Variants in FAM135B observed in about 807,000 individuals in gnomAD.
FAM135B encodes the protein protein FAM135B.
FAM135B carries 43 observed loss-of-function variants against 127.7 expected under a neutral mutation model. The ratio of observed to expected loss-of-function variants is 0.34; its 90% CI spans 0.26 to 0.43. The LOEUF (loss-of-function observed/expected upper bound fraction) is 0.43, where lower values mean the gene tolerates loss of function less well. FAM135B is among the 20% of genes least tolerant of loss of function. FAM135B has a pLI of 1.00. For missense variants in FAM135B, 1,558 were observed against 1,725.6 expected (o/e 0.90, Z 1.72); for synonymous variants, 670 against 665.1 (o/e 1.01, Z -0.11).
intron 7 of FAM135B, among the ~76,000 whole-genome samples, chr8:138,233,809 C>T (rs1443807429): frequency 7.0e-6 from 1 of 142,714 alleles, no homozygotes; most frequent in Non-Finnish European, 1.6e-5. Flanking sequence ...GGAACTCCTA[C>T]AATTCAACAA....
At chr8:138,393,750 G>T (rs1472017909) in intron 1 of FAM135B, among the ~76,000 whole-genome samples, 1 of 152,280 alleles carries the variant, frequency 6.6e-6, no homozygotes, top group South Asian at 2.1e-4. Context: ...CATGATCTCT[G>T]CATGAGTCTC....
rs922368005 is a variant in FAM135B, at chr8:138,242,175, G to GTGTA, written c.669+766_669+767insTACA. 1.5e-4 allele frequency among the ~76,000 whole-genome samples: 16 copies of GTGTA among 106,070 alleles called. No individual in the cohort carries two copies. Among genetic ancestry groups the GTGTA allele is most frequent in the Non-Finnish European group, 2.9e-4 (15 of 51,810 alleles). 69.6% of individuals were successfully genotyped at this position (106,070 alleles called of 152,430 possible). ...TTATGATAAATCTCTTTGTGTGTGT[G>GTGTA]TGTGTGTGTGTGTGTGTGTGTGTGT... On this transcript the variant is annotated intron_variant, in intron 7 of 19. Coordinates refer to ENST00000395297, the MANE Select transcript of FAM135B (RefSeq NM_015912.4). This position sits in a 1 kb window ranked among gnomAD's most constrained non-coding sequence, Gnocchi z 9.6.
chr8:138,391,040 A>G (rs908841), intron 1 of FAM135B, among the ~76,000 whole-genome samples: 99,266 of 151,674 alleles, frequency 0.65, 34,267 homozygotes, highest in African/African-American at 0.88. Flanking sequence ...GGGAGTATTC[A>G]GGGCAGCAGC....
At chr8:138,352,615 G>C (rs911362528) in intron 2 of FAM135B, among the ~76,000 whole-genome samples, 2 of 152,154 alleles carry the variant, frequency 1.3e-5, no homozygotes, top group Non-Finnish European at 2.9e-5. Flanking sequence ...CTCAGTTAGG[G>C]TGGAGGGAGA....
In FAM135B at chr8:138,131,438, A is replaced by G. The variant is rs1816209283; in HGVS notation, c.*1155T>C. The G allele has an allele frequency of 6.6e-6, 1 of 152,662 alleles. No homozygotes were observed. Among genetic ancestry groups the G allele is most frequent in the African/African-American group, 2.4e-5 (1 of 41,468 alleles). 9.5% of individuals were successfully genotyped at this position (152,662 alleles called of 1,614,324 possible). ...CACTTACCAATAACAGCTTATGTTG[A>G]GTCTTCAGTCTGGTTGTTCTCCTCC... On this transcript the variant is annotated 3_prime_UTR_variant, in exon 20 of 20. Transcript: ENST00000395297.
rs2130546112 is a variant in FAM135B, at chr8:138,256,754, T to C, written c.303A>G (p.Glu101=). 1 of 1,613,578 alleles carries C rather than the reference T, an allele frequency of 6.2e-7. No homozygotes were observed. The highest frequency in any genetic ancestry group is 2.2e-5 in the East Asian group (1 of 44,836). Residue 101 remains glutamate (E), a synonymous_variant, in exon 5 of 20, where the codon GAA becomes GAG. Transcript: ENST00000395297. ...VHLLLGGERM[E]DALSEVDFQL... ...GAAAATCTACTTCACTCAGTGCGTC[T>C]TCCATCTGCAAAAGAAACAAAGTCC...
At chr8:138,200,836 A>G (rs1489417381) in intron 7 of FAM135B, among the ~76,000 whole-genome samples, 2 of 152,228 alleles carry the variant, frequency 1.3e-5, no homozygotes, top group South Asian at 2.1e-4. Context: ...AGATCAAACA[A>G]TAATAATAGA....
intron 3 of FAM135B, among the ~76,000 whole-genome samples, chr8:138,292,278 T>C (rs1423200014): frequency 1.3e-5 from 2 of 152,108 alleles, no homozygotes; most frequent in South Asian, 2.1e-4. Flanking sequence ...AGGGCACAGA[T>C]ACATGTAAAG....
chr8:138,237,150 A>ATTTTTTTTTTTTTTT (rs10604150), intron 7 of FAM135B, among the ~76,000 whole-genome samples: 1 of 101,320 alleles, frequency 9.9e-6, no homozygotes, highest in Non-Finnish European at 1.9e-5. Context: ...TGGATCCTTG[A>ATTTTTTTTTTTTTTT]TTTTTTTTTT....
chr8:138,223,370 C>T (rs187127807), intron 7 of FAM135B, among the ~76,000 whole-genome samples: 106 of 152,238 alleles, frequency 7.0e-4, no homozygotes, highest in Non-Finnish European at 1.2e-3. Context: ...GAACTGTAAC[C>T]GTTGAAATGA....
chr8:138,148,876 A>C, intron 13 of FAM135B, 190 bp from the exon 14 acceptor site: 1 of 395,984 alleles, frequency 2.5e-6, no homozygotes, highest in Non-Finnish European at 4.5e-6. Context: ...GCAGGAAAGC[A>C]CTCTATAAAA....
rs1322900745 is a variant in FAM135B at position 138,243,495 on chromosome 8, G to A, written c.543-427C>T. 6.6e-6 allele frequency among the ~76,000 whole-genome samples: 1 copy of A among 152,124 alleles called. No homozygotes were observed. Among genetic ancestry groups the A allele is most frequent in the Non-Finnish European group, 1.5e-5 (1 of 68,034 alleles). ...CCTCCCTGGACCTCTTTTCTTCTGT[G>A]GAAAAGCATAAAACATCTTCCTCCA... On this transcript the variant is annotated intron_variant, in intron 6 of 19. Transcript: ENST00000395297. This position sits in a 1 kb window ranked among gnomAD's most constrained non-coding sequence, Gnocchi z 7.5.
At chr8:138,213,298 G>A (rs1289629616) in intron 7 of FAM135B, among the ~76,000 whole-genome samples, 3 of 151,926 alleles carry the variant, frequency 2.0e-5, no homozygotes, top group African/African-American at 4.8e-5. Flanking sequence ...CGATCACTAC[G>A]TAAATAGTAG....
At chr8:138,458,165 A>G (rs1299912627) in intron 1 of FAM135B, among the ~76,000 whole-genome samples, 7 of 152,220 alleles carry the variant, frequency 4.6e-5, no homozygotes, top group African/African-American at 1.7e-4. Context: ...TAAATAAATA[A>G]ACAAAGCATA....
intron 1 of FAM135B, among the ~76,000 whole-genome samples, chr8:138,411,811 G>A (rs1358486129): frequency 1.3e-5 from 2 of 152,136 alleles, no homozygotes; most frequent in Non-Finnish European, 2.9e-5. Context: ...AAGACATAGA[G>A]TCATCCTAGG....
At chr8:138,468,741 A>C (rs1428166889) in intron 1 of FAM135B, among the ~76,000 whole-genome samples, 1 of 152,138 alleles carries the variant, frequency 6.6e-6, no homozygotes, top group African/African-American at 2.4e-5. Flanking sequence ...CAACCTAATA[A>C]ATATATTAAT....
At chr8:138,154,261 A>G (rs1486356094) in intron 12 of FAM135B, among the ~76,000 whole-genome samples, 1 of 93,360 alleles carries the variant, frequency 1.1e-5, no homozygotes, top group Non-Finnish European at 2.2e-5. Context: ...AACAGAAAGG[A>G]CATCCACACC....
intron 1 of FAM135B, among the ~76,000 whole-genome samples, chr8:138,444,939 A>C (rs1219063949): frequency 1.3e-5 from 2 of 152,208 alleles, no homozygotes; most frequent in African/African-American, 4.8e-5. Context: ...GAGAAGAATC[A>C]AATAGCCGCA....
chr8:138,142,206 T>G (rs950682922), intron 16 of FAM135B, among the ~76,000 whole-genome samples: 50 of 151,554 alleles, frequency 3.3e-4, no homozygotes, highest in African/African-American at 1.2e-3. Flanking sequence ...CTGTCGTCAC[T>G]GAAACATTTG....
Sources: gnomAD v4.1 joint callset for allele counts (sites outside exome capture counted in the v4.1 genomes callset) on GRCh38, gnomAD v4.1.1 for gene constraint, Gnocchi (gnomAD v3.1) non-coding constraint, MANE v1.5 for transcripts, NCBI Gene and HGNC (gene_info 2026-07-23, HGNC 2026-07-21) for gene names.